Variants in SCN3A observed in about 807,000 individuals in gnomAD.
The protein encoded by SCN3A is sodium channel protein type 3 subunit alpha.
SCN3A carries 60 observed loss-of-function variants against 187.6 expected under a neutral mutation model. That is an observed-to-expected ratio of 0.32 (90% CI 0.26 to 0.40). The LOEUF (loss-of-function observed/expected upper bound fraction) is 0.40. SCN3A is among the 10% of genes least tolerant of loss of function. The pLI, the probability that SCN3A is intolerant of heterozygous loss-of-function variation, is 1.00. For missense variants in SCN3A, 1,601 were observed against 2,428.2 expected, an observed-to-expected ratio of 0.66 and a Z score of 7.16; for synonymous variants, 788 against 829.2, an observed-to-expected ratio of 0.95 and a Z score of 0.85.
Position 165,176,485 on chromosome 2 carries a change from G to A in SCN3A, c.-50-41C>T, listed in dbSNP as rs543656618. On this transcript the variant is annotated intron_variant, in intron 2 of 27. Transcript: ENST00000283254. ...AATTGCACAAGAGTTAGGAAAGCAA[G>A]CGATTGGGCATAAGAACATCAACCA... 1.7e-5 allele frequency: 25 copies of A among 1,501,006 alleles called. No homozygotes were observed. The South Asian group carries it at 2.8e-4, about 17-fold the overall frequency. 93.0% of individuals were successfully genotyped at this position (1,501,006 alleles called of 1,614,324 possible).
Position 165,090,498 on chromosome 2 carries a change from T to C in SCN3A, c.5655A>G (p.Lys1885=). Residue 1885 remains lysine (K), a synonymous_variant, in exon 28 of 28, where the codon AAA becomes AAG. Coordinates refer to ENST00000283254, the MANE Select transcript of SCN3A (RefSeq NM_006922.4). This position sits in a 1 kb window ranked among gnomAD's most constrained non-coding sequence, Gnocchi z 4.0. ...TGGTTGTAATAGGCTCATAAGAGAC[T>C]TTGGAGGGGTTTGATGCCATAAACC... The part of the protein sequence containing the change: ...EDRFMASNPS[K]VSYEPITTTL... 6.2e-7 allele frequency: 1 copy of C among 1,614,088 alleles called. No homozygotes were observed. Among genetic ancestry groups the C allele is most frequent in the South Asian group, 1.1e-5 (1 of 91,084 alleles).
chr2:165,115,888 T>C (rs1686348287), intron 18 of SCN3A, among the ~76,000 whole-genome samples: 1 of 152,230 alleles, frequency 6.6e-6, no homozygotes, highest in African/African-American at 2.4e-5. Context: ...TATAACTTAA[T>C]ACATTGAGGC....
chr2:165,177,738 A>G (rs906432720), intron 2 of SCN3A, among the ~76,000 whole-genome samples: 7 of 152,180 alleles, frequency 4.6e-5, no homozygotes, highest in African/African-American at 1.4e-4. Context: ...ACAAAAATCT[A>G]TTTGCAGGAT....
At chr2:165,099,105 T>C (rs895811006) in intron 22 of SCN3A, among the ~76,000 whole-genome samples, 15 of 150,062 alleles carry the variant, frequency 1.0e-4, no homozygotes, top group African/African-American at 3.8e-4. Flanking sequence ...TAATTCTCCC[T>C]GATGGGTGAA....
In SCN3A at chr2:165,090,721, G is replaced by A. The variant is rs1338679206; in HGVS notation, c.5432C>T (p.Ser1811Phe). The A allele has an allele frequency of 6.2e-7, 1 of 1,613,958 alleles. No individual in the cohort carries two copies. The highest frequency in any genetic ancestry group is 8.5e-7 in the Non-Finnish European group (1 of 1,180,014). The change falls in exon 28 of 28, where the codon TCT becomes TTT. Residue 1811 changes from serine (S) to phenylalanine (F), a missense_variant. Coordinates refer to ENST00000283254, the MANE Select transcript of SCN3A (RefSeq NM_006922.4). This position sits in a 1 kb window ranked among gnomAD's most constrained non-coding sequence, Gnocchi z 4.0. ...DPDATQFIEF[S>F]KLSDFAAALD... Reference sequence around the variant, plus strand: ...GGCAGCTGCAAAATCAGAGAGTTTAGAGAACTCTATAAACTGGGTCGCATC... The same window carrying A: ...GGCAGCTGCAAAATCAGAGAGTTTAAAGAACTCTATAAACTGGGTCGCATC...
At chr2:165,114,050 C>G (rs1453674569) in intron 19 of SCN3A, 80 bp from the exon 20 acceptor site, 8 of 844,632 alleles carry the variant, frequency 9.5e-6, no homozygotes, top group Non-Finnish European at 1.4e-5. Context: ...CCCTTCCCCA[C>G]TCCACTTCCA....
intron 21 of SCN3A, among the ~76,000 whole-genome samples, chr2:165,102,073 T>C (rs982823239): frequency 6.6e-6 from 1 of 152,220 alleles, no homozygotes; most frequent in African/African-American, 2.4e-5. Flanking sequence ...CAGGAGGAAT[T>C]AACAGCTTCT....
chr2:165,191,562 T>C (rs1024217266), intron 1 of SCN3A, among the ~76,000 whole-genome samples: 4 of 152,122 alleles, frequency 2.6e-5, no homozygotes, highest in African/African-American at 9.7e-5. Context: ...CTTATTCCAG[T>C]ATGCTCTTCC....
intron 9 of SCN3A, among the ~76,000 whole-genome samples, chr2:165,160,300 G>A (rs1689282529): frequency 6.6e-6 from 1 of 152,096 alleles, no homozygotes; most frequent in Non-Finnish European, 1.5e-5. Flanking sequence ...ATATATTACA[G>A]TATGCTAATA....
At chr2:165,156,249 G>A (rs1420209066) in intron 9 of SCN3A, among the ~76,000 whole-genome samples, 1 of 152,090 alleles carries the variant, frequency 6.6e-6, no homozygotes, top group African/African-American at 2.4e-5. Context: ...GCTCACGCCT[G>A]TAATCCCAGC....
intron 21 of SCN3A, among the ~76,000 whole-genome samples, chr2:165,101,944 G>A (rs1307706256): frequency 6.6e-6 from 1 of 152,188 alleles, no homozygotes; most frequent in Non-Finnish European, 1.5e-5. Context: ...CTTGATTAGT[G>A]GCAGGATAAT....
chr2:165,200,253 C>G (rs1027872133), intron 1 of SCN3A, among the ~76,000 whole-genome samples: 2 of 152,016 alleles, frequency 1.3e-5, no homozygotes, highest in African/African-American at 4.8e-5. Context: ...TTTTGGAAAA[C>G]TGGTAAAACA....
chr2:165,112,833 C>A, intron 21 of SCN3A, 52 bp downstream of exon 21: 2 of 1,495,820 alleles, frequency 1.3e-6, no homozygotes, highest in South Asian at 2.3e-5. Flanking sequence ...TATGAAATGT[C>A]AAACTTGCCT....
chr2:165,168,577 G>T (rs1307985957), intron 5 of SCN3A, among the ~76,000 whole-genome samples, 159 bp downstream of exon 5: 1 of 151,972 alleles, frequency 6.6e-6, no homozygotes, highest in Non-Finnish European at 1.5e-5. Flanking sequence ...CCTCGTAGAA[G>T]AATAGCTCCC....
Position 165,113,973 on chromosome 2 carries a change from A to G in SCN3A, c.3515-3T>C. 1 of 1,551,906 alleles carries G rather than the reference A, an allele frequency of 6.4e-7. No individual in the cohort carries two copies. Among genetic ancestry groups the G allele is most frequent in the Non-Finnish European group, 8.8e-7 (1 of 1,131,402 alleles). On this transcript the variant is annotated splice_region_variant and splice_polypyrimidine_tract_variant and intron_variant, in intron 19 of 27. Coordinates refer to ENST00000283254, the MANE Select transcript of SCN3A (RefSeq NM_006922.4). ...GAATGGAAACTTTTTAATACATCCTAAAAATCAAATATAGTTAATTAAAAA... is the reference window on the plus strand; with the variant it reads ...GAATGGAAACTTTTTAATACATCCTGAAAATCAAATATAGTTAATTAAAAA...
rs192668922 is a variant in SCN3A, at chr2:165,107,445, A to G, written c.3843+5440T>C. On this transcript the variant is annotated intron_variant, in intron 21 of 27. Coordinates refer to ENST00000283254, the MANE Select transcript of SCN3A (RefSeq NM_006922.4). ...ACTGTTTACACGGAAATATATCTAG[A>G]GAGAGAGATCAGAAATTAATATGAA... is the stretch of plus-strand genomic sequence containing the variant. 7.3e-4 allele frequency among the ~76,000 whole-genome samples: 111 copies of G among 152,334 alleles called. No individual in the cohort carries two copies. In the Middle Eastern group the frequency reaches 0.017, roughly 23 times the overall value.
chr2:165,142,528 A>G (rs1226105990), intron 12 of SCN3A, among the ~76,000 whole-genome samples: 2 of 152,164 alleles, frequency 1.3e-5, no homozygotes, highest in Non-Finnish European at 2.9e-5. Flanking sequence ...GGCTGTGTCT[A>G]TGTGACACTC....
intron 15 of SCN3A, among the ~76,000 whole-genome samples, chr2:165,135,596 T>C (rs887654119): frequency 1.4e-4 from 22 of 152,098 alleles, no homozygotes; most frequent in Non-Finnish European, 2.9e-5. Flanking sequence ...AGAAATTCTT[T>C]CTTTCTCTCT....
chr2:165,147,648 TA>T (rs1305827845), intron 11 of SCN3A, among the ~76,000 whole-genome samples: 3 of 151,972 alleles, frequency 2.0e-5, no homozygotes, highest in Non-Finnish European at 2.9e-5. Flanking sequence ...ACATATCACT[TA>T]AAAAATGTTA....
Sources: gnomAD v4.1 joint callset for allele counts (sites outside exome capture counted in the v4.1 genomes callset) on GRCh38, gnomAD v4.1.1 for gene constraint, Gnocchi (gnomAD v3.1) non-coding constraint, MANE v1.5 for transcripts, NCBI Gene and HGNC (gene_info 2026-07-23, HGNC 2026-07-21) for gene names.